DMXL1: variants seen among roughly 807,000 people sequenced by gnomAD.
DMXL1 encodes dmX-like protein 1.
Under a neutral mutation model 319.2 loss-of-function variants are expected in DMXL1, and 99 were observed. That is an observed-to-expected ratio of 0.31 (90% CI 0.26 to 0.37). DMXL1 has a LOEUF of 0.37. DMXL1 is among the 10% of genes least tolerant of loss of function. The pLI is 1.00. For missense variants in DMXL1, 3,745 were observed against 3,595.6 expected (o/e 1.04, Z -1.06); for synonymous variants, 1,385 against 1,235.2 (o/e 1.12, Z -2.54).
chr5:119,233,164 G>A (rs1048619440), intron 38 of DMXL1, among the ~76,000 whole-genome samples, 176 bp from the exon 39 acceptor site: 3 of 152,074 alleles, frequency 2.0e-5, no homozygotes, highest in African/African-American at 4.8e-5. Context: ...AAATGAAAGT[G>A]TATTGTATAA....
chr5:119,176,120 A>C (rs1460242641), intron 26 of DMXL1, among the ~76,000 whole-genome samples: 6 of 151,978 alleles, frequency 3.9e-5, no homozygotes, highest in African/African-American at 1.4e-4. Context: ...GTCCTGTCTT[A>C]TTTAGCAAGA....
At chr5:119,159,658 T>C (rs1771840855) in intron 19 of DMXL1, among the ~76,000 whole-genome samples, 1 of 152,214 alleles carries the variant, frequency 6.6e-6, no homozygotes, top group African/African-American at 2.4e-5. Flanking sequence ...AGAGTCTTGC[T>C]CTGTCGCCCA....
chr5:119,210,236 C>G (rs1282032175), intron 34 of DMXL1, among the ~76,000 whole-genome samples: 2 of 152,176 alleles, frequency 1.3e-5, no homozygotes, highest in African/African-American at 4.8e-5. Context: ...GGAGCGTGAA[C>G]CACCGCAGCC....
In DMXL1 at chr5:119,248,757, C is replaced by T. The variant is rs1019222759; in HGVS notation, c.*1538C>T. ...AATTTTAAATGTGTTGAGCAAGTTGCAGTGCAAACACTGTCATTATGTAGA... is the reference window on the plus strand; with the variant it reads ...AATTTTAAATGTGTTGAGCAAGTTGTAGTGCAAACACTGTCATTATGTAGA... On this transcript the variant is annotated 3_prime_UTR_variant, in exon 44 of 44. Transcript: ENST00000539542. The T allele has an allele frequency of 6.6e-6, 1 of 152,400 alleles. No homozygotes were observed. The highest frequency in any genetic ancestry group is 2.4e-5 in the African/African-American group (1 of 41,406). The allele number at this position is 152,400 out of a possible 1,614,324, so 9.4% of individuals were successfully genotyped here.
intron 9 of DMXL1, among the ~76,000 whole-genome samples, chr5:119,125,657 C>T (rs768694609): frequency 1.3e-5 from 2 of 150,392 alleles, no homozygotes; most frequent in Admixed American, 6.6e-5. Context: ...CTCCACCTCC[C>T]GGGTTCATGC....
chr5:119,236,859 A>T (rs552527314), intron 39 of DMXL1: 5 of 152,126 alleles, frequency 3.3e-5, no homozygotes, highest in African/African-American at 1.2e-4. Context: ...ACTTGCCCTG[A>T]GCTCCCATAG....
chr5:119,097,928 G>A (rs1194620619), intron 1 of DMXL1, 51 bp from the exon 2 acceptor site: 1 of 1,463,744 alleles, frequency 6.8e-7, no homozygotes, highest in Admixed American at 2.0e-5. Context: ...TATTCTACAT[G>A]GTAAATGTTT....
intron 10 of DMXL1, chr5:119,132,519 A>G (rs1051330992): frequency 4.0e-6 from 1 of 249,694 alleles, no homozygotes; most frequent in Non-Finnish European, 8.1e-6. Flanking sequence ...TCTCTACTAA[A>G]AAGTACAAAA....
chr5:119,178,365 C>G, intron 28 of DMXL1, 121 bp downstream of exon 28: 1 of 1,154,910 alleles, frequency 8.7e-7, no homozygotes, highest in Non-Finnish European at 1.2e-6. Flanking sequence ...TTGCGAAAAG[C>G]ATAAACAAAT....
At position 119,181,172 on chromosome 5, in the gene DMXL1, A is replaced by G. The variant is rs150090066; in HGVS notation, c.7135+2928A>G. Among the ~76,000 whole-genome samples, 10 of 152,248 alleles carry G rather than the reference A, an allele frequency of 6.6e-5. 1 individual carries two copies. Among genetic ancestry groups the G allele is most frequent in the African/African-American group, 2.4e-4 (10 of 41,500 alleles). ...TTACATAAATTATTTTGGGGGGGCC[A>G]TTATAAGTCCGTCATAAGCTGTATC... On this transcript the variant is annotated intron_variant, in intron 28 of 43. Transcript: ENST00000539542.
chr5:119,082,041 A>ACG, intron 1 of DMXL1, among the ~76,000 whole-genome samples: 2 of 148,230 alleles, frequency 1.3e-5, no homozygotes, highest in Non-Finnish European at 3.0e-5. Flanking sequence ...ACACACACAC[A>ACG]CACACACACA....
At chr5:119,174,504 G>A (rs1296314183) in intron 25 of DMXL1, among the ~76,000 whole-genome samples, 3 of 152,240 alleles carry the variant, frequency 2.0e-5, no homozygotes, top group South Asian at 2.1e-4. Flanking sequence ...TTCATACTAC[G>A]TTTTATTGAC....
chr5:119,240,084 C>T (rs560247308), intron 41 of DMXL1, among the ~76,000 whole-genome samples: 72 of 151,638 alleles, frequency 4.7e-4, no homozygotes, highest in African/African-American at 1.7e-3. Context: ...GCCTGGGCAA[C>T]ATAGGGAGAC....
At chr5:119,176,730 T>G (rs1775873280) in intron 26 of DMXL1, among the ~76,000 whole-genome samples, 1 of 152,100 alleles carries the variant, frequency 6.6e-6, no homozygotes, top group Admixed American at 6.6e-5. Flanking sequence ...CCATTTTCTG[T>G]CAGAATTATT....
chr5:119,132,708 C>A, intron 10 of DMXL1: 1 of 475,724 alleles, frequency 2.1e-6, no homozygotes, highest in Non-Finnish European at 4.2e-6. Context: ...AGTCCCTTTT[C>A]TGGGTTGACA....
chr5:119,081,751 C>T, intron 1 of DMXL1: 1 of 982,574 alleles, frequency 1.0e-6, no homozygotes, highest in South Asian at 4.7e-5. Context: ...TGAGACTGTG[C>T]ATGGAGAATT....
At chr5:119,142,299 A>G (rs984097368) in intron 13 of DMXL1, among the ~76,000 whole-genome samples, 5 of 152,106 alleles carry the variant, frequency 3.3e-5, no homozygotes, top group African/African-American at 1.2e-4. Flanking sequence ...TGCATCTGAG[A>G]AAGGTCTGAA....
At chr5:119,174,322 C>A (rs116046206) in intron 25 of DMXL1, among the ~76,000 whole-genome samples, 155 of 144,842 alleles carry the variant, frequency 1.1e-3, no homozygotes, top group African/African-American at 3.8e-3. Context: ...ATTCGGAACT[C>A]ACACTTCACT....
intron 19 of DMXL1, among the ~76,000 whole-genome samples, chr5:119,161,002 A>G (rs1344733253): frequency 6.6e-6 from 1 of 152,132 alleles, no homozygotes; most frequent in African/African-American, 2.4e-5. Context: ...TTGGAAATTT[A>G]TTAGTTTGTT....
Sources: gnomAD v4.1 joint callset for allele counts (sites outside exome capture counted in the v4.1 genomes callset) on GRCh38, gnomAD v4.1.1 for gene constraint, MANE v1.5 for transcripts, NCBI Gene and HGNC (gene_info 2026-07-23, HGNC 2026-07-21) for gene names.